GCNT4: variants seen among roughly 807,000 people sequenced by gnomAD.
GCNT4 encodes the protein glucosaminyl (N-acetyl) transferase 4.
Under a neutral mutation model 31.3 loss-of-function variants are expected in GCNT4, and 17 were observed. That is an observed-to-expected ratio of 0.54 (90% CI 0.37 to 0.81). GCNT4 has a LOEUF of 0.81. Ranked by LOEUF, GCNT4 falls within the 40% of genes least tolerant of loss-of-function variation. The pLI is 0.00. For missense variants in GCNT4, 503 were observed against 525.5 expected, an observed-to-expected ratio of 0.96 and a Z score of 0.42; for synonymous variants, 158 against 190.6, an observed-to-expected ratio of 0.83 and a Z score of 1.41.
rs1264448500 is a variant in GCNT4 at position 75,027,351 on chromosome 5, TAATA to T, written c.*1321_*1324del. 3.3e-4 allele frequency: 5 copies of T among 15,052 alleles called. No homozygotes were observed. Among genetic ancestry groups the T allele is most frequent in the African/African-American group, 1.7e-3 (3 of 1,716 alleles). The allele number at this position is 15,052 out of a possible 1,614,324, so 0.9% of individuals were successfully genotyped here. A position where few individuals can be genotyped will look rare whatever the true frequency, so the allele number is the denominator to read the frequency against. Reference sequence around the variant, plus strand: ...TATTCATATACAATATATGTATATATAATATATATATTTATATATTATATATGTA... The same window carrying T: ...TATTCATATACAATATATGTATATATTATATATTTATATATTATATATGTA... On this transcript the variant is annotated 3_prime_UTR_variant, in exon 4 of 4. Coordinates refer to ENST00000652361, the MANE Select transcript of GCNT4 (RefSeq NM_001366737.1).
intron 2 of GCNT4, among the ~76,000 whole-genome samples, chr5:75,050,527 C>T (rs1743545244): frequency 6.6e-6 from 1 of 152,184 alleles, no homozygotes; most frequent in South Asian, 2.1e-4. Flanking sequence ...CCACACCCCT[C>T]GTACAGAGGA....
At chr5:75,018,762 T>C in the GCNT4 span, among the ~76,000 whole-genome samples, 1 of 152,170 alleles carries the variant, frequency 6.6e-6, no homozygotes, top group Admixed American at 6.5e-5. Context: ...AGGCTAGGGT[T>C]CAGTTTAAAA....
At chr5:75,035,349 G>C (rs191990745) in intron 3 of GCNT4, among the ~76,000 whole-genome samples, 98 of 152,356 alleles carry the variant, frequency 6.4e-4, no homozygotes, top group African/African-American at 2.2e-3. Context: ...AGAATGAGAG[G>C]AAGACTGAGG....
intron 3 of GCNT4, among the ~76,000 whole-genome samples, chr5:75,034,767 C>G (rs1331727826): frequency 6.6e-6 from 1 of 152,208 alleles, no homozygotes; most frequent in African/African-American, 2.4e-5. Context: ...TATAATAATT[C>G]AGTAAAAACC....
intron 3 of GCNT4, among the ~76,000 whole-genome samples, chr5:75,046,888 T>C (rs1318401035): frequency 6.6e-6 from 1 of 152,240 alleles, no homozygotes; most frequent in Non-Finnish European, 1.5e-5. Flanking sequence ...GTTTCTTAGA[T>C]GCAGGAGATG....
chr5:75,018,916 G>A, the GCNT4 span, among the ~76,000 whole-genome samples: 2 of 152,130 alleles, frequency 1.3e-5, no homozygotes, highest in Non-Finnish European at 2.9e-5. Flanking sequence ...GAGGGAGGAT[G>A]ACGAGAGAGA....
chr5:75,050,103 T>C (rs1187186481), intron 2 of GCNT4, among the ~76,000 whole-genome samples: 1 of 152,222 alleles, frequency 6.6e-6, no homozygotes, highest in Non-Finnish European at 1.5e-5. Context: ...AGCTAGGCAG[T>C]GACAAGAGTC....
intron 1 of GCNT4, 59 bp downstream of exon 1, chr5:75,052,370 T>G (rs973398567): frequency 6.6e-6 from 1 of 152,142 alleles, no homozygotes; most frequent in East Asian, 1.9e-4. Flanking sequence ...CTCGGAAAAC[T>G]TCCCCGTCAG....
At chr5:75,050,972 G>C (rs1386007456) in intron 2 of GCNT4, among the ~76,000 whole-genome samples, 1 of 152,216 alleles carries the variant, frequency 6.6e-6, no homozygotes, top group East Asian at 1.9e-4. Flanking sequence ...GTGTGAAACT[G>C]TCCTGAGGAT....
rs1743004995 is a variant in GCNT4 at position 75,029,012 on chromosome 5, C to G, written c.1026G>C (p.Leu342Phe). 6.2e-7 allele frequency: 1 copy of G among 1,613,956 alleles called. No homozygotes were observed. The highest frequency in any genetic ancestry group is 1.7e-5 in the Admixed American group (1 of 59,998). Reference sequence around the variant, plus strand: ...CCCCAGGTATTCCTGGAACCCGAATCAAGGTAGCCCAAAAGTGCTCATCAG... The same window carrying G: ...CCCCAGGTATTCCTGGAACCCGAATGAAGGTAGCCCAAAAGTGCTCATCAG... ...YSPDEHFWAT[L>F]IRVPGIPGEI... Residue 342 changes from leucine to phenylalanine, a missense_variant, in exon 4 of 4, where the codon TTG becomes TTC. Coordinates refer to ENST00000652361, the MANE Select transcript of GCNT4 (RefSeq NM_001366737.1).
Position 75,028,939 on chromosome 5 carries a change from G to A in GCNT4, c.1099C>T (p.Arg367Cys), listed in dbSNP as rs770022108. 135 of 1,613,750 alleles carry A rather than the reference G, an allele frequency of 8.4e-5. No individual in the cohort carries two copies. Among genetic ancestry groups the A allele is most frequent in the Non-Finnish European group, 1.1e-4 (128 of 1,180,014 alleles). ...TCATAGTAATTCCACTTGACAAGGC[G>A]AGTCTTACTCTGCAGATCAGACACA... ...QDVSDLQSKT[R>C]LVKWNYYEGF... The change falls in exon 4 of 4, where the codon CGC (arginine) becomes TGC (cysteine). Residue 367 changes from arginine to cysteine, a missense_variant. Transcript: ENST00000652361.
chr5:75,037,122 A>G (rs889838919), intron 3 of GCNT4, among the ~76,000 whole-genome samples: 21 of 152,332 alleles, frequency 1.4e-4, no homozygotes, highest in African/African-American at 4.6e-4. Flanking sequence ...CAATATAAAG[A>G]CGAACTCACT....
chr5:75,030,622 T>A (rs1266993465), intron 3 of GCNT4: 1 of 167,106 alleles, frequency 6.0e-6, no homozygotes, highest in African/African-American at 2.4e-5. Context: ...TGGGTAAGCC[T>A]GCATATTTTC....
At chr5:75,030,110 T>C (rs1743030420) in intron 3 of GCNT4, 72 bp from the exon 4 acceptor site, 1 of 1,429,210 alleles carries the variant, frequency 7.0e-7, no homozygotes, top group Non-Finnish European at 9.5e-7. Context: ...CAAAATCTAC[T>C]GGGCGCCTAC....
intron 3 of GCNT4, among the ~76,000 whole-genome samples, chr5:75,032,633 G>A (rs1184609539): frequency 6.6e-6 from 1 of 152,180 alleles, no homozygotes; most frequent in Non-Finnish European, 1.5e-5. Context: ...TCCTGGTCAG[G>A]CTCATAGCCC....
downstream of GCNT4, among the ~76,000 whole-genome samples, chr5:75,023,355 C>T (rs1209463951): frequency 1.3e-5 from 2 of 152,154 alleles, no homozygotes; most frequent in African/African-American, 4.8e-5. Context: ...AAGCATCCTG[C>T]ACAGTTTCTG....
At chr5:75,044,750 C>T (rs1437409241) in intron 3 of GCNT4, among the ~76,000 whole-genome samples, 1 of 152,092 alleles carries the variant, frequency 6.6e-6, no homozygotes, top group Non-Finnish European at 1.5e-5. Flanking sequence ...GGTACAGAAA[C>T]CACATCAAAG....
chr5:75,037,781 G>A (rs1743230709), intron 3 of GCNT4, among the ~76,000 whole-genome samples: 1 of 152,014 alleles, frequency 6.6e-6, no homozygotes, highest in African/African-American at 2.4e-5. Flanking sequence ...GGGAGGCCGA[G>A]GCAGGAGAAT....
chr5:75,024,950 C>CAAAAAAA (rs1239662355), downstream of GCNT4, among the ~76,000 whole-genome samples: 2 of 40,516 alleles, frequency 4.9e-5, no homozygotes, highest in African/African-American at 1.8e-4. Context: ...GACTCCATCT[C>CAAAAAAA]AAAAAAAAAA....
Sources: allele counts gnomAD v4.1 joint callset (sites outside exome capture counted in the v4.1 genomes callset), GRCh38; gene constraint gnomAD v4.1.1; transcripts MANE v1.5; gene names NCBI Gene and HGNC (gene_info 2026-07-23, HGNC 2026-07-21).